Variants in ICMT observed in about 807,000 individuals in gnomAD.
The protein encoded by ICMT is isoprenylcysteine carboxyl methyltransferase.
ICMT carries 10 observed loss-of-function variants against 32.2 expected under a neutral mutation model. That is an observed-to-expected ratio of 0.31 (90% CI 0.19 to 0.53). The LOEUF (loss-of-function observed/expected upper bound fraction) is 0.53, where lower values mean the gene tolerates loss of function less well. Ranked by LOEUF, ICMT falls within the 20% of genes least tolerant of loss-of-function variation. ICMT has a pLI of 0.96. For missense variants in ICMT, 265 were observed against 356.9 expected (o/e 0.74, Z 2.07); for synonymous variants, 183 against 158.2 (o/e 1.16, Z -1.18).
At chr1:6,234,809 G>T in intron 2 of ICMT, 77 bp downstream of exon 2, 1 of 1,073,008 alleles carries the variant, frequency 9.3e-7, no homozygotes, top group Non-Finnish European at 1.4e-6. Context: ...ATGAGACAGG[G>T]ATGAGGAAAT....
chr1:6,222,424 T>C lies in ICMT; in HGVS notation c.*2656A>G, dbSNP rs1237401980. On this transcript the variant is annotated 3_prime_UTR_variant, in exon 5 of 5. Transcript: ENST00000343813. ...CAGCCTGGGCCACAGAGCAAGACTG[T>C]CTTAAGAAAATAAAAAAAATGGAGT... The C allele has an allele frequency of 6.6e-6, 1 of 152,114 alleles. No homozygotes were observed. The highest frequency in any genetic ancestry group is 1.5e-5 in the Non-Finnish European group (1 of 68,008). 9.4% of individuals were successfully genotyped at this position (152,114 alleles called of 1,614,324 possible). A position where few individuals can be genotyped will look rare whatever the true frequency, so the allele number is the denominator to read the frequency against.
rs1553150740 is a variant in ICMT at position 6,231,868 on chromosome 1, A to AAG, written c.672+33_672+34insCT. On this transcript the variant is annotated intron_variant, in intron 4 of 4. Transcript: ENST00000343813. ...GTTTAAAATGTTACTTAAAAAAAAAAAAAAGAAAAGCAGTGTCATATTTAA... is the reference window on the plus strand; with the variant it reads ...GTTTAAAATGTTACTTAAAAAAAAAAAGAAAAGAAAAGCAGTGTCATATTTAA... The AAG allele has an allele frequency of 3.7e-6, 5 of 1,361,274 alleles. No homozygotes were observed. In the African/African-American group the frequency reaches 7.3e-5, roughly 20 times the overall value. The allele number at this position is 1,361,274 out of a possible 1,614,324, so 84.3% of individuals were successfully genotyped here. A position where few individuals can be genotyped will look rare whatever the true frequency, so the allele number is the denominator to read the frequency against.
chr1:6,232,836 C>T (rs953939950), intron 3 of ICMT, among the ~76,000 whole-genome samples: 1 of 151,764 alleles, frequency 6.6e-6, no homozygotes, highest in Non-Finnish European at 1.5e-5. Context: ...GCGTGAGCCA[C>T]TGCACCCGAC....
intron 3 of ICMT, among the ~76,000 whole-genome samples, 173 bp from the exon 4 acceptor site, chr1:6,232,292 G>C (rs1668750063): frequency 6.6e-6 from 1 of 152,198 alleles, no homozygotes; most frequent in Non-Finnish European, 1.5e-5. Flanking sequence ...ATTCCCCTAA[G>C]TTATGCTGTT....
chr1:6,233,807 G>A (rs760082245), intron 2 of ICMT, among the ~76,000 whole-genome samples, 164 bp from the exon 3 acceptor site: 1 of 152,054 alleles, frequency 6.6e-6, no homozygotes, highest in Non-Finnish European at 1.5e-5. Context: ...CCTCAGGTTT[G>A]CAAAAAGTGG....
At chr1:6,227,384 T>C (rs2100961960) in intron 4 of ICMT, among the ~76,000 whole-genome samples, 1 of 152,342 alleles carries the variant, frequency 6.6e-6, no homozygotes, top group South Asian at 2.1e-4. Context: ...CCTATACCGT[T>C]AGGGGTCACC....
At chr1:6,229,335 G>A (rs905616660) in intron 4 of ICMT, among the ~76,000 whole-genome samples, 3 of 151,840 alleles carry the variant, frequency 2.0e-5, no homozygotes, top group Non-Finnish European at 2.9e-5. Flanking sequence ...AAAATTAGCC[G>A]GGTATGGTGG....
rs1668749380 is a variant in ICMT at position 6,232,246 on chromosome 1, C to T, written c.455-127G>A. ...AGAAAATGTGCTGCTGGGCAATCAG[C>T]ATTTGTCATCACATTAAAATTTCAT... On this transcript the variant is annotated intron_variant, in intron 3 of 4. Coordinates refer to ENST00000343813, the MANE Select transcript of ICMT (RefSeq NM_012405.4). 3.5e-5 allele frequency: 22 copies of T among 629,844 alleles called. 1 individual carries two copies. In the South Asian group the frequency reaches 4.6e-4, roughly 13 times the overall value. 39.0% of individuals were successfully genotyped at this position (629,844 alleles called of 1,614,324 possible).
intron 3 of ICMT, 98 bp downstream of exon 3, chr1:6,233,376 G>C (rs913369126): frequency 2.7e-6 from 3 of 1,114,232 alleles, no homozygotes; most frequent in South Asian, 1.5e-5. Context: ...AAATCGCTTG[G>C]GGGAGATTAG....
At chr1:6,229,412 A>C (rs1668695999) in intron 4 of ICMT, among the ~76,000 whole-genome samples, 1 of 152,218 alleles carries the variant, frequency 6.6e-6, no homozygotes, top group African/African-American at 2.4e-5. Flanking sequence ...CGGGAGGCAG[A>C]GGTTGCAGTG....
intron 4 of ICMT, among the ~76,000 whole-genome samples, chr1:6,229,785 C>T (rs955273731): frequency 2.2e-4 from 2 of 8,958 alleles, no homozygotes. Context: ...AAAAAAAATA[C>T]ACACACACAC....
Position 6,224,815 on chromosome 1 carries a change from G to T in ICMT, c.*265C>A. ...GCCTCGGTCCTCCCCAGGTAACTCTGGAGGGCGCTGTGGAATATTGCTGTG... is the reference window on the plus strand; with the variant it reads ...GCCTCGGTCCTCCCCAGGTAACTCTTGAGGGCGCTGTGGAATATTGCTGTG... On this transcript the variant is annotated 3_prime_UTR_variant, in exon 5 of 5. Coordinates refer to ENST00000343813, the MANE Select transcript of ICMT (RefSeq NM_012405.4). 2.4e-6 allele frequency: 1 copy of T among 410,624 alleles called. No individual in the cohort carries two copies. The highest frequency in any genetic ancestry group is 4.3e-6 in the Non-Finnish European group (1 of 230,146). 25.4% of individuals were successfully genotyped at this position (410,624 alleles called of 1,614,324 possible).
At position 6,225,145 on chromosome 1, in the gene ICMT, G is replaced by A. The variant is rs1668625474; in HGVS notation, c.790C>T (p.Leu264=). The change falls in exon 5 of 5, where the codon CTG becomes TTG. Residue 264 remains leucine, a synonymous_variant. Coordinates refer to ENST00000343813, the MANE Select transcript of ICMT (RefSeq NM_012405.4). The stretch of plus-strand genomic sequence containing the variant: ...GTGGGCACCCTCTTCTTATACTCCA[G>A]GTACTCCTCTCCAAAAAAGTGAATT... ...SLIHFFGEEY[L]EYKKRVPTGL... 1 of 1,613,976 alleles carries A rather than the reference G, an allele frequency of 6.2e-7. No homozygotes were observed. Among genetic ancestry groups the A allele is most frequent in the Admixed American group, 1.7e-5 (1 of 59,992 alleles).
At position 6,221,816 on chromosome 1, in the gene ICMT, T is replaced by C. The variant is rs1328925933; in HGVS notation, c.*3264A>G. Reference sequence around the variant, plus strand: ...CGCGACCTCTTCTGTAAACTGCCACTCAGCAGCGGCCTGCAAGCCCTCACG... The same window carrying C: ...CGCGACCTCTTCTGTAAACTGCCACCCAGCAGCGGCCTGCAAGCCCTCACG... On this transcript the variant is annotated 3_prime_UTR_variant, in exon 5 of 5. Transcript: ENST00000343813. 1 of 152,222 alleles carries C rather than the reference T, an allele frequency of 6.6e-6. No homozygotes were observed. The highest frequency in any genetic ancestry group is 6.5e-5 in the Admixed American group (1 of 15,270). 9.4% of individuals were successfully genotyped at this position (152,222 alleles called of 1,614,324 possible).
chr1:6,235,932 C>T lies in ICMT; in HGVS notation c.-21G>A. 9.1e-7 allele frequency: 1 copy of T among 1,095,024 alleles called. No individual in the cohort carries two copies. The highest frequency in any genetic ancestry group is 1.1e-6 in the Non-Finnish European group (1 of 899,758). The allele number at this position is 1,095,024 out of a possible 1,614,324, so 67.8% of individuals were successfully genotyped here. A position where few individuals can be genotyped will look rare whatever the true frequency, so the allele number is the denominator to read the frequency against. ...GCCATGGCGCCGGGCGGCGGACTAG[C>T]GGGCGGCGGCGCCGGCTGTAGCCCG... On this transcript the variant is annotated 5_prime_UTR_variant, in exon 1 of 5. Coordinates refer to ENST00000343813, the MANE Select transcript of ICMT (RefSeq NM_012405.4).
chr1:6,221,692 G>A lies in ICMT; in HGVS notation c.*3388C>T, dbSNP rs1228014880. ...CCCCCAGGTTGGTAAATGAACAGAA[G>A]GGATGAATAAAGCCTACTTTTTAGG... is the stretch of plus-strand genomic sequence containing the variant. On this transcript the variant is annotated 3_prime_UTR_variant, in exon 5 of 5. Coordinates refer to ENST00000343813, the MANE Select transcript of ICMT (RefSeq NM_012405.4). 3 of 152,532 alleles carry A rather than the reference G, an allele frequency of 2.0e-5. No individual in the cohort carries two copies. Among genetic ancestry groups the A allele is most frequent in the African/African-American group, 7.2e-5 (3 of 41,462 alleles). The allele number at this position is 152,532 out of a possible 1,614,324, so 9.4% of individuals were successfully genotyped here.
chr1:6,223,675 A>C lies in ICMT; in HGVS notation c.*1405T>G, dbSNP rs1014593054. The C allele has an allele frequency of 2.6e-5, 4 of 152,214 alleles. No individual in the cohort carries two copies. Among genetic ancestry groups the C allele is most frequent in the Admixed American group, 6.5e-5 (1 of 15,276 alleles). The allele number at this position is 152,214 out of a possible 1,614,324, so 9.4% of individuals were successfully genotyped here. A position where few individuals can be genotyped will look rare whatever the true frequency, so the allele number is the denominator to read the frequency against. The stretch of plus-strand genomic sequence containing the variant: ...TGACATTGTTCTTCTCAGTCCTCAC[A>C]ACACCCCTGTGAGGTAGGTGGTATT... On this transcript the variant is annotated 3_prime_UTR_variant, in exon 5 of 5. Transcript: ENST00000343813.
chr1:6,232,918 C>T (rs1229573734), intron 3 of ICMT, among the ~76,000 whole-genome samples: 1 of 150,916 alleles, frequency 6.6e-6, no homozygotes, highest in African/African-American at 2.4e-5. Flanking sequence ...AGTGCAGTGG[C>T]GCGATCACGG....
Position 6,232,022 on chromosome 1 carries a change from A to T in ICMT, c.552T>A (p.Asn184Lys). 2 of 1,614,166 alleles carry T rather than the reference A, an allele frequency of 1.2e-6. No individual in the cohort carries two copies. Among genetic ancestry groups the T allele is most frequent in the Non-Finnish European group, 1.7e-6 (2 of 1,180,026 alleles). ...RKAAMFTAGS[N>K]FNHVVQNEKS... Reference sequence around the variant, plus strand: ...TTTCATTCTGTACCACGTGGTTGAAATTGGAGCCAGCTGTAAACATGGCCG... The same window carrying T: ...TTTCATTCTGTACCACGTGGTTGAATTTGGAGCCAGCTGTAAACATGGCCG... Residue 184 changes from asparagine to lysine, a missense_variant, in exon 4 of 5, where the codon AAT becomes AAA. Around this residue, in one of 2 missense-constraint regions of ICMT, gnomAD observed 166 missense variants for 264.3 expected, o/e 0.63. Coordinates refer to ENST00000343813, the MANE Select transcript of ICMT (RefSeq NM_012405.4).
Sources: allele counts gnomAD v4.1 joint callset (sites outside exome capture counted in the v4.1 genomes callset), GRCh38; gene constraint gnomAD v4.1.1; regional missense constraint gnomAD v4.1.1; transcripts MANE v1.5; gene names NCBI Gene and HGNC (gene_info 2026-07-23, HGNC 2026-07-21).